The following EPG5 variants were observed in gnomAD, a reference collection of about 807,000 sequenced individuals.
EPG5 encodes the protein ectopic P-granules 5 autophagy tethering factor.
A neutral mutation model predicts 302.7 loss-of-function variants in EPG5; 159 were observed. The ratio of observed to expected loss-of-function variants is 0.53; its 90% CI spans 0.46 to 0.60. EPG5 has a LOEUF of 0.60. Among genes scored for constraint, EPG5 ranks in the 20% least tolerant of loss-of-function variants. The pLI, the probability that EPG5 is intolerant of heterozygous loss-of-function variation, is 0.00. For missense variants in EPG5, 2,896 were observed against 3,092.4 expected (o/e 0.94, Z 1.51); for synonymous variants, 1,158 against 1,136.8 (o/e 1.02, Z -0.37).
chr18:45,855,770 T>C lies in EPG5; in HGVS notation c.7443-83A>G, dbSNP rs1441279338. ...AATAAACACCATATTTTCTATGACA[T>C]AAAAAGATGAACACATTTCCAGATC... On this transcript the variant is annotated intron_variant, in intron 42 of 43. Coordinates refer to ENST00000282041, the MANE Select transcript of EPG5 (RefSeq NM_020964.3). 8.0e-6 allele frequency: 7 copies of C among 874,596 alleles called. No individual in the cohort carries two copies. The African/African-American group carries it at 1.2e-4, about 14-fold the overall frequency. 54.2% of individuals were successfully genotyped at this position (874,596 alleles called of 1,614,324 possible).
chr18:45,916,156 C>T lies in EPG5; in HGVS notation c.3435G>A (p.Val1145=), dbSNP rs963294372. 3 of 1,613,972 alleles carry T rather than the reference C, an allele frequency of 1.9e-6. No individual in the cohort carries two copies. The highest frequency in any genetic ancestry group is 2.5e-6 in the Non-Finnish European group (3 of 1,179,984). ...TGAGAGCCTGAACCCAGAACTCCAACACAGCAACGGGGCCCACTTCATTGG... is the reference window on the plus strand; with the variant it reads ...TGAGAGCCTGAACCCAGAACTCCAATACAGCAACGGGGCCCACTTCATTGG... ...TQPNEVGPVA[V]LEFWVQALIS... Residue 1145 remains valine (V), a synonymous_variant, in exon 19 of 44, where the codon GTG becomes GTA. Coordinates refer to ENST00000282041, the MANE Select transcript of EPG5 (RefSeq NM_020964.3).
the EPG5 span, among the ~76,000 whole-genome samples, chr18:45,832,924 A>T: frequency 6.6e-6 from 1 of 152,230 alleles, no homozygotes; most frequent in South Asian, 2.1e-4. Flanking sequence ...GCGGGAGTCC[A>T]AGTGCCCGCT....
chr18:45,943,920 CA>C (rs879151617), intron 8 of EPG5, 84 bp downstream of exon 8: 29,937 of 638,904 alleles, frequency 0.047, no homozygotes, highest in South Asian at 0.066. Context: ...GACTCCATCT[CA>C]AAAAAAAAAA....
chr18:45,853,365 T>C (rs923690873), intron 43 of EPG5, among the ~76,000 whole-genome samples: 3 of 152,228 alleles, frequency 2.0e-5, no homozygotes, highest in Non-Finnish European at 4.4e-5. Context: ...ATTCTTTGAC[T>C]CCAGAATTTT....
intron 1 of EPG5, among the ~76,000 whole-genome samples, chr18:45,964,980 T>C (rs779123128): frequency 6.6e-6 from 1 of 152,056 alleles, no homozygotes; most frequent in Non-Finnish European, 1.5e-5. Context: ...ATTCCTGAAA[T>C]TTGGTACCAA....
chr18:45,833,471 C>T, the EPG5 span, among the ~76,000 whole-genome samples: 1 of 152,024 alleles, frequency 6.6e-6, no homozygotes, highest in Non-Finnish European at 1.5e-5. Flanking sequence ...CATCACCATG[C>T]CTCACTTATT....
chr18:45,953,660 T>G, intron 2 of EPG5: 1 of 985,280 alleles, frequency 1.0e-6, no homozygotes, highest in Non-Finnish European at 1.2e-6. Flanking sequence ...CTCTCAAACT[T>G]GAGAGGACGT....
intron 22 of EPG5, 59 bp downstream of exon 22, chr18:45,912,231 T>C (rs1009787490): frequency 1.4e-6 from 2 of 1,419,754 alleles, no homozygotes; most frequent in East Asian, 4.9e-5. Context: ...ACACATAGAA[T>C]GAGAGCAGTG....
chr18:45,866,702 C>T (rs1205181011), intron 38 of EPG5, 96 bp downstream of exon 38: 8 of 932,590 alleles, frequency 8.6e-6, no homozygotes, highest in Non-Finnish European at 1.4e-5. Flanking sequence ...ACTTCCTCTG[C>T]TGAGCACTTC....
At chr18:45,907,491 ACT>A (rs1407316636) in intron 24 of EPG5, among the ~76,000 whole-genome samples, 1 of 152,148 alleles carries the variant, frequency 6.6e-6, no homozygotes, top group African/African-American at 2.4e-5. Flanking sequence ...AGCAATCAGA[ACT>A]GTGACAATGA....
At chr18:45,882,593 A>G in intron 30 of EPG5, 106 bp from the exon 31 acceptor site, 1 of 783,824 alleles carries the variant, frequency 1.3e-6, no homozygotes, top group East Asian at 2.7e-5. Context: ...ATTACCCAGC[A>G]TTTTATAAAA....
chr18:45,890,865 C>A (rs567065793), intron 27 of EPG5, among the ~76,000 whole-genome samples: 1 of 152,086 alleles, frequency 6.6e-6, no homozygotes, highest in Non-Finnish European at 1.5e-5. Flanking sequence ...TTGCAGAGTG[C>A]AGTAAAATCA....
intron 35 of EPG5, 108 bp from the exon 36 acceptor site, chr18:45,870,850 A>G: frequency 1.1e-6 from 1 of 917,566 alleles, no homozygotes; most frequent in Non-Finnish European, 1.6e-6. Flanking sequence ...CTCATGATTG[A>G]CCCAATTTCA....
chr18:45,946,073 T>A (rs2050779792), intron 7 of EPG5, among the ~76,000 whole-genome samples: 1 of 152,188 alleles, frequency 6.6e-6, no homozygotes, highest in African/African-American at 2.4e-5. Context: ...ACAGAACTGC[T>A]TACAAATCTA....
chr18:45,829,221 G>A, the EPG5 span: 1 of 916,936 alleles, frequency 1.1e-6, no homozygotes, highest in Non-Finnish European at 1.3e-6. Flanking sequence ...TCAGCCTGCG[G>A]CAGAGGCATG....
chr18:45,810,235 C>CA, the EPG5 span, among the ~76,000 whole-genome samples: 1 of 151,970 alleles, frequency 6.6e-6, no homozygotes, highest in East Asian at 1.9e-4. Flanking sequence ...AAATTACCAA[C>CA]AAAAAAAGGC....
chr18:45,939,814 A>G, intron 9 of EPG5, 59 bp from the exon 10 acceptor site: 1 of 1,467,056 alleles, frequency 6.8e-7, no homozygotes, highest in Admixed American at 1.9e-5. Flanking sequence ...GCACCTTTAT[A>G]TTACATTTCC....
the EPG5 span, among the ~76,000 whole-genome samples, chr18:45,823,785 G>A: frequency 2.6e-5 from 4 of 152,174 alleles, no homozygotes; most frequent in Non-Finnish European, 4.4e-5. Context: ...GCAAACAAAC[G>A]ATGACAACAC....
At chr18:45,910,385 A>G (rs942610475) in intron 23 of EPG5, 136 bp downstream of exon 23, 175 of 629,952 alleles carry the variant, frequency 2.8e-4, no homozygotes, top group Middle Eastern at 4.4e-4. Context: ...ATGCAAATCT[A>G]TATCAAAGCC....
Sources: allele counts gnomAD v4.1 joint callset (sites outside exome capture counted in the v4.1 genomes callset), GRCh38; gene constraint gnomAD v4.1.1; transcripts MANE v1.5; gene names NCBI Gene and HGNC (gene_info 2026-07-23, HGNC 2026-07-21).